RGMA: variants seen among roughly 807,000 people sequenced by gnomAD.
RGMA encodes repulsive guidance molecule A.
RGMA carries 10 observed loss-of-function variants against 23.2 expected under a neutral mutation model. The ratio of observed to expected loss-of-function variants is 0.43; its 90% CI spans 0.27 to 0.73. The LOEUF is 0.73. Among genes scored for constraint, RGMA ranks in the 30% least tolerant of loss-of-function variants. The pLI is 0.20. For synonymous variants in RGMA, 308 were observed against 279.3 expected (o/e 1.10, Z -1.03); for missense variants, 547 against 630.5 (o/e 0.87, Z 1.42).
chr15:93,073,563 C>G lies in RGMA; in HGVS notation c.15-532G>C. ...TCCTTGGAGGCAAATCCCAGCCCTA[C>G]TTTCCAACCAGACTGCCGACCCCAA... On this transcript the variant is annotated intron_variant, in intron 1 of 3. Transcript: ENST00000329082. The G allele has an allele frequency of 2.0e-6, 3 of 1,529,500 alleles. No homozygotes were observed. In the South Asian group the frequency reaches 3.6e-5, roughly 18 times the overall value. The allele number at this position is 1,529,500 out of a possible 1,614,324, so 94.7% of individuals were successfully genotyped here.
chr15:93,060,909 T>C (rs1329872302), intron 2 of RGMA, among the ~76,000 whole-genome samples: 1 of 152,128 alleles, frequency 6.6e-6, no homozygotes, highest in Non-Finnish European at 1.5e-5. Flanking sequence ...AAGGCTGAAG[T>C]AGGGCGGCTT....
At chr15:93,049,755 C>T (rs915080725) in intron 3 of RGMA, among the ~76,000 whole-genome samples, 39 of 152,230 alleles carry the variant, frequency 2.6e-4, no homozygotes, top group Non-Finnish European at 4.3e-4. Context: ...AGGGGCTGGA[C>T]ACACTCTGGG....
chr15:93,052,488 G>A lies in RGMA; in HGVS notation c.150C>T (p.Ile50=). 6.3e-7 allele frequency: 1 copy of A among 1,575,250 alleles called. No individual in the cohort carries two copies. The highest frequency in any genetic ancestry group is 8.6e-7 in the Non-Finnish European group (1 of 1,161,476). ...TCCAGAACTCAGAGTTGCACTTGAG[G>A]ATCTTGCACGGGGAGGTGGCTGAGG... The part of the protein sequence containing the change: ...SFPAATSPCK[I]LKCNSEFWSA... Residue 50 remains isoleucine, a synonymous_variant, in exon 3 of 4, where the codon ATC becomes ATT. Coordinates refer to ENST00000329082, the MANE Select transcript of RGMA (RefSeq NM_020211.3).
chr15:93,048,308 A>G (rs573987411), intron 3 of RGMA, among the ~76,000 whole-genome samples: 2 of 152,248 alleles, frequency 1.3e-5, no homozygotes, highest in South Asian at 4.1e-4. Context: ...GAAGAAGGAA[A>G]ATGTGTTAGT....
intron 1 of RGMA, among the ~76,000 whole-genome samples, chr15:93,077,966 A>C (rs1895499241): frequency 6.6e-6 from 1 of 152,188 alleles, no homozygotes; most frequent in Non-Finnish European, 1.5e-5. Flanking sequence ...TCTCTGCCGC[A>C]CAAAGTGCCG....
rs1895670897 is a variant in RGMA at position 93,088,146 on chromosome 15, T to A, written c.14+773A>T. ...ACAGGCTCCCATTAGAAATCTCAAT[T>A]TGGGAGAACTGATTCTACCTCCGAG... On this transcript the variant is annotated intron_variant, in intron 1 of 3. Coordinates refer to ENST00000329082, the MANE Select transcript of RGMA (RefSeq NM_020211.3). 1.3e-5 allele frequency: 8 copies of A among 602,258 alleles called. No individual in the cohort carries two copies. In the South Asian group the frequency reaches 5.9e-4, roughly 44 times the overall value. The allele number at this position is 602,258 out of a possible 1,614,324, so 37.3% of individuals were successfully genotyped here.
At position 93,088,771 on chromosome 15, in the gene RGMA, C is replaced by A. The variant is rs923535710; in HGVS notation, c.14+148G>T. Reference sequence around the variant, plus strand: ...CTGCCAACAGCTAAAGCGATAGAGGCGCAGCAAAGCTCCAAATGTGGGCAA... The same window carrying A: ...CTGCCAACAGCTAAAGCGATAGAGGAGCAGCAAAGCTCCAAATGTGGGCAA... On this transcript the variant is annotated intron_variant, in intron 1 of 3. Transcript: ENST00000329082. 2.3e-5 allele frequency: 19 copies of A among 814,616 alleles called. No homozygotes were observed. The East Asian group carries it at 5.3e-4, about 23-fold the overall frequency. 50.5% of individuals were successfully genotyped at this position (814,616 alleles called of 1,614,324 possible).
At chr15:93,065,960 G>T (rs371189880) in intron 2 of RGMA, 66 of 889,926 alleles carry the variant, frequency 7.4e-5, no homozygotes, top group East Asian at 5.5e-4. Context: ...AAGGGTGGGG[G>T]GCGCCGTCGT....
intron 1 of RGMA, among the ~76,000 whole-genome samples, chr15:93,080,901 C>T (rs1460361072): frequency 2.6e-5 from 4 of 152,026 alleles, no homozygotes; most frequent in African/African-American, 7.3e-5. Context: ...AAGTCTCCCC[C>T]CGACCACCGC....
chr15:93,078,519 C>T (rs376519738), intron 1 of RGMA, among the ~76,000 whole-genome samples: 1 of 152,330 alleles, frequency 6.6e-6, no homozygotes, highest in East Asian at 1.9e-4. Context: ...AAGGGCCGTC[C>T]TGGGGTCTGG....
intron 2 of RGMA, among the ~76,000 whole-genome samples, chr15:93,054,947 C>T (rs1433433565): frequency 2.6e-4 from 40 of 152,116 alleles, no homozygotes; most frequent in Admixed American, 6.5e-5. Context: ...CTGATAAAGC[C>T]GGTACAGGAG....
rs1471024933 is a variant in RGMA, at chr15:93,043,520, A to C, written c.*1478T>G. 1.3e-5 allele frequency: 2 copies of C among 152,646 alleles called. No homozygotes were observed. Among genetic ancestry groups the C allele is most frequent in the East Asian group, 3.9e-4 (2 of 5,178 alleles). The allele number at this position is 152,646 out of a possible 1,614,324, so 9.5% of individuals were successfully genotyped here. Reference sequence around the variant, plus strand: ...AGGTCGCAGACACGTGGACGCAGTGAGGGGTCCCCACTTCCAAGCAGAACG... The same window carrying C: ...AGGTCGCAGACACGTGGACGCAGTGCGGGGTCCCCACTTCCAAGCAGAACG... On this transcript the variant is annotated 3_prime_UTR_variant, in exon 4 of 4. Transcript: ENST00000329082.
At chr15:93,071,744 A>G (rs1165150978) in intron 2 of RGMA, among the ~76,000 whole-genome samples, 2 of 152,258 alleles carry the variant, frequency 1.3e-5, no homozygotes, top group Non-Finnish European at 2.9e-5. Flanking sequence ...CAGTTGGCGG[A>G]AGAGCAAATC....
chr15:93,052,306 C>A lies in RGMA; in HGVS notation c.332G>T (p.Ser111Ile). 6.2e-7 allele frequency: 1 copy of A among 1,604,434 alleles called. No individual in the cohort carries two copies. Among genetic ancestry groups the A allele is most frequent in the Middle Eastern group, 1.7e-4 (1 of 6,046 alleles). The change falls in exon 3 of 4, where the codon AGC becomes ATC. Residue 111 changes from serine (S) to isoleucine (I), a missense_variant. Physicochemically the swap from Ser to Ile is moderately radical, Grantham distance 142. Transcript: ENST00000329082. ...SAVHGIEDLM[S>I]QHNCSKDGPT... ...GCCATCCTTGGAGCAGTTGTGCTGG[C>A]TCATGAGGTCCTCTATGCCATGGAC...
Position 93,052,320 on chromosome 15 carries a change from T to A in RGMA, c.318A>T (p.Ile106=). ...AGTTGTGCTGGCTCATGAGGTCCTC[T>A]ATGCCATGGACGGCCGAGTGGTAGG... The part of the protein sequence containing the change: ...DLAYHSAVHG[I]EDLMSQHNCS... The change falls in exon 3 of 4, where the codon ATA becomes ATT. Residue 106 remains isoleucine, a synonymous_variant. Coordinates refer to ENST00000329082, the MANE Select transcript of RGMA (RefSeq NM_020211.3). 1 of 1,604,052 alleles carries A rather than the reference T, an allele frequency of 6.2e-7. No individual in the cohort carries two copies. Among genetic ancestry groups the A allele is most frequent in the South Asian group, 1.1e-5 (1 of 91,004 alleles).
intron 1 of RGMA, among the ~76,000 whole-genome samples, chr15:93,074,797 C>T (rs1895443508): frequency 1.3e-5 from 2 of 152,212 alleles, no homozygotes; most frequent in Non-Finnish European, 2.9e-5. Context: ...GCCACCGGGG[C>T]ACGCTAAGCA....
rs1313542843 is a variant in RGMA at position 93,037,347 on chromosome 15, G to GT, written c.*7650dup. On this transcript the variant is annotated 3_prime_UTR_variant, in exon 4 of 4. Transcript: ENST00000329082. The surrounding 1 kb of genome is among the most constrained non-coding windows in gnomAD (Gnocchi z 4.3). ...CCCGGGCCCTTCCTTCGGTCTGGGTGTGTCTGTGCCCATGCCACTGTCCAT... is the reference window on the plus strand; with the variant it reads ...CCCGGGCCCTTCCTTCGGTCTGGGTGTTGTCTGTGCCCATGCCACTGTCCAT... 6.6e-6 allele frequency: 1 copy of GT among 152,316 alleles called. No individual in the cohort carries two copies. The highest frequency in any genetic ancestry group is 2.4e-5 in the African/African-American group (1 of 41,442). The allele number at this position is 152,316 out of a possible 1,614,324, so 9.4% of individuals were successfully genotyped here. A position where few individuals can be genotyped will look rare whatever the true frequency, so the allele number is the denominator to read the frequency against.
chr15:93,054,791 TC>T (rs2054986894), intron 2 of RGMA, among the ~76,000 whole-genome samples: 1 of 152,164 alleles, frequency 6.6e-6, no homozygotes, highest in Non-Finnish European at 1.5e-5. Context: ...ACAGGTGTGC[TC>T]CTGAGGAGAG....
At chr15:93,088,376 G>A (rs910455425) in intron 1 of RGMA, 5 of 985,368 alleles carry the variant, frequency 5.1e-6, no homozygotes, top group Non-Finnish European at 6.0e-6. Context: ...GGGCATCCTC[G>A]GCCCTCAATC....
Sources: gnomAD v4.1 joint callset for allele counts (sites outside exome capture counted in the v4.1 genomes callset) on GRCh38, gnomAD v4.1.1 for gene constraint, Gnocchi (gnomAD v3.1) non-coding constraint, MANE v1.5 for transcripts, NCBI Gene and HGNC (gene_info 2026-07-23, HGNC 2026-07-21) for gene names.